The following DCAF16 variants were observed in gnomAD, a reference collection of about 807,000 sequenced individuals.
The protein encoded by DCAF16 is DDB1 and CUL4 associated factor 16.
Under a neutral mutation model 17.3 loss-of-function variants are expected in DCAF16, and 10 were observed. That is an observed-to-expected ratio of 0.58 (90% CI 0.36 to 0.98). The LOEUF is 0.98. Among genes scored for constraint, DCAF16 ranks in the 50% least tolerant of loss-of-function variants. The probability of loss-of-function intolerance (pLI) is 0.01; values close to 1 mark genes in which losing one functional copy is unlikely to be tolerated. For missense variants in DCAF16, 249 were observed against 247.6 expected, an observed-to-expected ratio of 1.01 and a Z score of -0.04; for synonymous variants, 111 against 92.8, an observed-to-expected ratio of 1.20 and a Z score of -1.12.
intron 1 of DCAF16, among the ~76,000 whole-genome samples, chr4:17,806,735 T>A (rs1220586779): frequency 6.6e-6 from 1 of 152,212 alleles, no homozygotes; most frequent in Non-Finnish European, 1.5e-5. Context: ...CCAAATGAAC[T>A]GTTTAAACAG....
rs1482443052 is a variant in DCAF16, at chr4:17,801,419, C to T, written c.*2072G>A. 1 of 152,164 alleles carries T rather than the reference C, an allele frequency of 6.6e-6. No individual in the cohort carries two copies. Among genetic ancestry groups the T allele is most frequent in the Non-Finnish European group, 1.5e-5 (1 of 68,040 alleles). The allele number at this position is 152,164 out of a possible 1,614,324, so 9.4% of individuals were successfully genotyped here. On this transcript the variant is annotated 3_prime_UTR_variant, in exon 3 of 3. Coordinates refer to ENST00000382247, the MANE Select transcript of DCAF16 (RefSeq NM_017741.4). ...TGTTGGGATTACAGGCATGAGCCAC[C>T]ATGCCTGGCCTGCTTCAATTTTTTG...
At chr4:17,808,498 G>C (rs2109029453) in intron 1 of DCAF16, among the ~76,000 whole-genome samples, 1 of 152,058 alleles carries the variant, frequency 6.6e-6, no homozygotes, top group African/African-American at 2.4e-5. Flanking sequence ...CTTTAAGGCA[G>C]TATACTATGT....
At chr4:17,800,040 G>A (rs374018810), downstream of DCAF16, among the ~76,000 whole-genome samples, 17 of 151,858 alleles carry the variant, frequency 1.1e-4, no homozygotes, top group African/African-American at 2.4e-4. Context: ...CCAGCTACTC[G>A]GGAGGCTGAG....
Position 17,803,107 on chromosome 4 carries a change from C to T in DCAF16, c.*384G>A, listed in dbSNP as rs1433047929. 2 of 184,724 alleles carry T rather than the reference C, an allele frequency of 1.1e-5. No homozygotes were observed. Among genetic ancestry groups the T allele is most frequent in the South Asian group, 1.1e-4 (1 of 9,012 alleles). The allele number at this position is 184,724 out of a possible 1,614,324, so 11.4% of individuals were successfully genotyped here. A position where few individuals can be genotyped will look rare whatever the true frequency, so the allele number is the denominator to read the frequency against. On this transcript the variant is annotated 3_prime_UTR_variant, in exon 3 of 3. Transcript: ENST00000382247. The stretch of plus-strand genomic sequence containing the variant: ...TGGCATAATCTCAACTCACCGCAAC[C>T]TCCGTCTCCTGGGTTCAAGTGATTC...
rs1329203684 is a variant in DCAF16 at position 17,804,368 on chromosome 4, G to A, written c.-227C>T. 9 of 554,922 alleles carry A rather than the reference G, an allele frequency of 1.6e-5. No homozygotes were observed. The highest frequency in any genetic ancestry group is 3.0e-5 in the Non-Finnish European group (9 of 303,074). 34.4% of individuals were successfully genotyped at this position (554,922 alleles called of 1,614,324 possible). A position where few individuals can be genotyped will look rare whatever the true frequency, so the allele number is the denominator to read the frequency against. On this transcript the variant is annotated 5_prime_UTR_variant, in exon 3 of 3. Transcript: ENST00000382247. ...TACAAAGAAGACATCTCAGTTTCCA[G>A]GACCAGTTCAGTGTGTAAAAGTATT...
chr4:17,802,306 A>T lies in DCAF16; in HGVS notation c.*1185T>A, dbSNP rs567269180. The T allele has an allele frequency of 6.5e-6, 1 of 152,714 alleles. No homozygotes were observed. Among genetic ancestry groups the T allele is most frequent in the African/African-American group, 2.4e-5 (1 of 41,560 alleles). The allele number at this position is 152,714 out of a possible 1,614,324, so 9.5% of individuals were successfully genotyped here. On this transcript the variant is annotated 3_prime_UTR_variant, in exon 3 of 3. Coordinates refer to ENST00000382247, the MANE Select transcript of DCAF16 (RefSeq NM_017741.4). ...ATTTACTCTTGACAAAAGTCTGAGT[A>T]CCAAGATTCAGGAAACACATTCCCT...
chr4:17,794,719 T>C, the DCAF16 span, among the ~76,000 whole-genome samples: 1 of 152,226 alleles, frequency 6.6e-6, no homozygotes, highest in African/African-American at 2.4e-5. Flanking sequence ...TGGAGTATTA[T>C]GCCGTAAGGA....
chr4:17,804,477 C>T lies in DCAF16; in HGVS notation c.-336G>A, dbSNP rs1318883242. 1 of 300,918 alleles carries T rather than the reference C, an allele frequency of 3.3e-6. No individual in the cohort carries two copies. The highest frequency in any genetic ancestry group is 2.2e-5 in the African/African-American group (1 of 45,382). The allele number at this position is 300,918 out of a possible 1,614,324, so 18.6% of individuals were successfully genotyped here. On this transcript the variant is annotated 5_prime_UTR_variant, in exon 3 of 3. Coordinates refer to ENST00000382247, the MANE Select transcript of DCAF16 (RefSeq NM_017741.4). Reference sequence around the variant, plus strand: ...TAGAAGGGGTCCTCATCTAGGCAAGCTGATTTACTTAGCATAGTCCCAACT... The same window carrying T: ...TAGAAGGGGTCCTCATCTAGGCAAGTTGATTTACTTAGCATAGTCCCAACT...
chr4:17,800,430 A>G (rs1447706506), downstream of DCAF16, among the ~76,000 whole-genome samples: 3 of 152,200 alleles, frequency 2.0e-5, no homozygotes, highest in Admixed American at 1.3e-4. Flanking sequence ...GAATTACTTA[A>G]AATACATAAA....
In DCAF16 at chr4:17,805,120, T is replaced by C. The variant is rs1720205160; in HGVS notation, c.-644A>G. On this transcript the variant is annotated 5_prime_UTR_variant, in exon 2 of 3. Transcript: ENST00000382247. ...TTTTTTTTTTACCTTCAGAGGTGCT[T>C]GTTGGAATTAGTTTTAGGGGGCCTG... 6.6e-6 allele frequency: 1 copy of C among 151,256 alleles called. No homozygotes were observed. Among genetic ancestry groups the C allele is most frequent in the Non-Finnish European group, 1.5e-5 (1 of 67,900 alleles). 9.4% of individuals were successfully genotyped at this position (151,256 alleles called of 1,614,324 possible).
intron 1 of DCAF16, chr4:17,809,381 T>A (rs1050693857): frequency 3.9e-5 from 6 of 152,232 alleles, no homozygotes; most frequent in African/African-American, 1.4e-4. Context: ...AAAAGCCAGA[T>A]GCACATATAA....
chr4:17,804,806 A>G (rs565025640), intron 2 of DCAF16, 35 bp from the exon 3 acceptor site: 41 of 167,398 alleles, frequency 2.4e-4, no homozygotes, highest in African/African-American at 9.6e-4. Flanking sequence ...AAAGCACTGG[A>G]TAACATTATT....
chr4:17,807,479 T>C (rs1263843641), intron 1 of DCAF16, among the ~76,000 whole-genome samples: 1 of 152,228 alleles, frequency 6.6e-6, no homozygotes, highest in African/African-American at 2.4e-5. Context: ...CTGGTGGGAT[T>C]GCAGAGTGGA....
Position 17,802,194 on chromosome 4 carries a change from A to G in DCAF16, c.*1297T>C, listed in dbSNP as rs1560208107. On this transcript the variant is annotated 3_prime_UTR_variant, in exon 3 of 3. Coordinates refer to ENST00000382247, the MANE Select transcript of DCAF16 (RefSeq NM_017741.4). ...GAGCTTTTACTCCAGGAAATGCTAT[A>G]CAGATTAAAATTTTAATCCATTAGC... 1 of 152,636 alleles carries G rather than the reference A, an allele frequency of 6.6e-6. No individual in the cohort carries two copies. Among genetic ancestry groups the G allele is most frequent in the Non-Finnish European group, 1.5e-5 (1 of 68,042 alleles). 9.5% of individuals were successfully genotyped at this position (152,636 alleles called of 1,614,324 possible).
intron 1 of DCAF16, among the ~76,000 whole-genome samples, chr4:17,807,746 G>T (rs1313808351): frequency 6.6e-6 from 1 of 152,180 alleles, no homozygotes; most frequent in Non-Finnish European, 1.5e-5. Flanking sequence ...GCCTTTAAAG[G>T]CATAGCTTTA....
chr4:17,797,610 A>G (rs1458651133), downstream of DCAF16, among the ~76,000 whole-genome samples: 1 of 152,212 alleles, frequency 6.6e-6, no homozygotes, highest in African/African-American at 2.4e-5. Flanking sequence ...CCAGCTTTCA[A>G]TTGATTCAGA....
Position 17,802,537 on chromosome 4 carries a change from C to CT in DCAF16, c.*953dup, listed in dbSNP as rs1457004228. 6.6e-6 allele frequency: 1 copy of CT among 151,470 alleles called. No homozygotes were observed. The highest frequency in any genetic ancestry group is 1.5e-5 in the Non-Finnish European group (1 of 68,004). The allele number at this position is 151,470 out of a possible 1,614,324, so 9.4% of individuals were successfully genotyped here. ...AAAAAAAGAAAAAGTGAAAGGAACT[C>CT]TAAAGAGTGTCATATGCAGGCACAT... is the stretch of plus-strand genomic sequence containing the variant. On this transcript the variant is annotated 3_prime_UTR_variant, in exon 3 of 3. Transcript: ENST00000382247.
At chr4:17,807,115 T>C (rs1720402120) in intron 1 of DCAF16, among the ~76,000 whole-genome samples, 1 of 152,164 alleles carries the variant, frequency 6.6e-6, no homozygotes, top group Admixed American at 6.5e-5. Context: ...AAGACCTAAA[T>C]GGGGATGGTA....
chr4:17,794,241 T>C, the DCAF16 span, among the ~76,000 whole-genome samples: 1 of 152,220 alleles, frequency 6.6e-6, no homozygotes, highest in Non-Finnish European at 1.5e-5. Flanking sequence ...TTGGAATATT[T>C]ACATATACAT....
Sources: allele counts gnomAD v4.1 joint callset (sites outside exome capture counted in the v4.1 genomes callset), GRCh38; gene constraint gnomAD v4.1.1; transcripts MANE v1.5; gene names NCBI Gene and HGNC (gene_info 2026-07-23, HGNC 2026-07-21).